Variants in LHCGR observed in about 807,000 individuals in gnomAD.
The protein encoded by LHCGR is luteinizing hormone/choriogonadotropin receptor.
Under a neutral mutation model 60.7 loss-of-function variants are expected in LHCGR, and 55 were observed. The observed-to-expected ratio is 0.91, with a 90% CI of 0.73 to 1.13. The LOEUF is 1.13. LHCGR is among the 50% of genes most tolerant of loss of function. The pLI is 0.00. For synonymous variants in LHCGR, 337 were observed against 316.5 expected (o/e 1.06, Z -0.69); for missense variants, 862 against 836.0 (o/e 1.03, Z -0.38).
intron 8 of LHCGR, among the ~76,000 whole-genome samples, chr2:48,708,013 TG>T (rs1667780807): frequency 6.6e-6 from 1 of 152,180 alleles, no homozygotes; most frequent in Non-Finnish European, 1.5e-5. Context: ...CTGCTTCAGC[TG>T]GCCCTCTGTG....
chr2:48,702,939 T>A (rs1667485879), intron 8 of LHCGR, among the ~76,000 whole-genome samples: 1 of 152,200 alleles, frequency 6.6e-6, no homozygotes, highest in Non-Finnish European at 1.5e-5. Context: ...ATCTGTTGTG[T>A]CCTGACTTTT....
chr2:48,739,722 T>G (rs1669351801), intron 1 of LHCGR, among the ~76,000 whole-genome samples: 2 of 151,516 alleles, frequency 1.3e-5, no homozygotes, highest in African/African-American at 4.9e-5. Context: ...AAATGACGAG[T>G]TAATGGGCAC....
rs1403901976 is a variant in LHCGR, at chr2:48,688,302, T to C, written c.1495A>G (p.Met499Val). The change falls in exon 11 of 11, where the codon ATG becomes GTG. Residue 499 changes from methionine to valine, a missense_variant. Coordinates refer to ENST00000294954, the MANE Select transcript of LHCGR (RefSeq NM_000233.4). This position sits in a 1 kb window ranked among gnomAD's most constrained non-coding sequence, Gnocchi z 5.2. ...GGWLFSSLIA[M>V]LPLVGVSNYM... ...TTGCTGACACCGACAAGGGGCAACA[T>C]AGCAATTAGAGAAGAAAAGAGCCAT... The C allele has an allele frequency of 1.2e-6, 2 of 1,614,092 alleles. No homozygotes were observed. The highest frequency in any genetic ancestry group is 1.1e-5 in the South Asian group (1 of 91,082).
Position 48,725,742 on chromosome 2 carries a change from T to C in LHCGR, c.317A>G (p.Gln106Arg). The C allele has an allele frequency of 6.2e-7, 1 of 1,610,776 alleles. No individual in the cohort carries two copies. Among genetic ancestry groups the C allele is most frequent in the Non-Finnish European group, 8.5e-7 (1 of 1,177,178 alleles). ...AATGTATCTCAGATTTTTGGTGTTC[T>C]GGATCAGTCTGTAAAGAGAGAGGGA... is the stretch of plus-strand genomic sequence containing the variant. ...NLLNLSEILI[Q>R]NTKNLRYIEP... The change falls in exon 4 of 11, where the codon CAG (glutamine) becomes CGG (arginine). Residue 106 changes from glutamine (Q) to arginine (R), a missense_variant. Coordinates refer to ENST00000294954, the MANE Select transcript of LHCGR (RefSeq NM_000233.4).
chr2:48,726,120 C>T (rs1158349858), intron 3 of LHCGR, among the ~76,000 whole-genome samples: 1 of 152,158 alleles, frequency 6.6e-6, no homozygotes, highest in African/African-American at 2.4e-5. Flanking sequence ...TGAGAGACTC[C>T]TCTCAGGAGA....
At chr2:48,710,685 G>A (rs1432685898) in intron 7 of LHCGR, among the ~76,000 whole-genome samples, 1 of 152,098 alleles carries the variant, frequency 6.6e-6, no homozygotes, top group Non-Finnish European at 1.5e-5. Context: ...GGAACAGTAT[G>A]GACTGACTCC....
At chr2:48,711,982 TG>T (rs942185241) in intron 7 of LHCGR, among the ~76,000 whole-genome samples, 6 of 152,250 alleles carry the variant, frequency 3.9e-5, no homozygotes, top group African/African-American at 1.4e-4. Context: ...CTTCCTGTTT[TG>T]TCCCTAACTC....
At chr2:48,704,940 T>C (rs956705778) in intron 8 of LHCGR, among the ~76,000 whole-genome samples, 2 of 152,212 alleles carry the variant, frequency 1.3e-5, no homozygotes, top group Non-Finnish European at 2.9e-5. Flanking sequence ...AGCTTTTGAA[T>C]GTGTTTGCTC....
At chr2:48,740,475 C>T (rs1373012750) in intron 1 of LHCGR, among the ~76,000 whole-genome samples, 2 of 152,204 alleles carry the variant, frequency 1.3e-5, no homozygotes, top group African/African-American at 4.8e-5. Flanking sequence ...GTGGTTCTCA[C>T]AGCACGCAGC....
At chr2:48,714,871 T>C (rs938904692) in intron 6 of LHCGR, among the ~76,000 whole-genome samples, 1 of 152,132 alleles carries the variant, frequency 6.6e-6, no homozygotes, top group East Asian at 1.9e-4. Context: ...AAGCAGCACA[T>C]TGTCATTTTG....
At chr2:48,737,783 A>G (rs778394744) in intron 1 of LHCGR, among the ~76,000 whole-genome samples, 1 of 152,188 alleles carries the variant, frequency 6.6e-6, no homozygotes, top group African/African-American at 2.4e-5. Flanking sequence ...GGTTTTGATT[A>G]TTGTTGATTG....
At chr2:48,741,192 G>T (rs1472679321) in intron 1 of LHCGR, among the ~76,000 whole-genome samples, 2 of 152,178 alleles carry the variant, frequency 1.3e-5, no homozygotes, top group Non-Finnish European at 2.9e-5. Context: ...GGGACTATGT[G>T]AAAAGACCAA....
intron 7 of LHCGR, among the ~76,000 whole-genome samples, chr2:48,713,597 G>GGTGGTGTTACC (rs1449087349): frequency 2.6e-5 from 4 of 152,200 alleles, no homozygotes. Flanking sequence ...TGGCTGACAA[G>GGTGGTGTTACC]ACTGGTAAAT....
At chr2:48,745,849 TAATA>T (rs1367859882) in intron 1 of LHCGR, among the ~76,000 whole-genome samples, 1 of 149,306 alleles carries the variant, frequency 6.7e-6, no homozygotes, top group East Asian at 2.0e-4. Flanking sequence ...AGTATAATAA[TAATA>T]AATAAATAAA....
chr2:48,746,033 C>T (rs900416855), intron 1 of LHCGR, among the ~76,000 whole-genome samples: 4 of 152,100 alleles, frequency 2.6e-5, no homozygotes, highest in African/African-American at 4.8e-5. Context: ...TTTCATTTCA[C>T]ATCTATAAAG....
intron 7 of LHCGR, among the ~76,000 whole-genome samples, chr2:48,710,876 A>T (rs149872885): frequency 2.3e-4 from 35 of 152,314 alleles, no homozygotes; most frequent in African/African-American, 7.9e-4. Context: ...TTTGCTTGAC[A>T]GTTTTGAAAA....
At chr2:48,702,053 C>T (rs529897256) in intron 8 of LHCGR, among the ~76,000 whole-genome samples, 1 of 151,560 alleles carries the variant, frequency 6.6e-6, no homozygotes, top group South Asian at 2.1e-4. Flanking sequence ...TAAATAACAT[C>T]TGCTAGAGTA....
chr2:48,722,970 T>C (rs886616062), intron 6 of LHCGR, among the ~76,000 whole-genome samples: 4 of 152,034 alleles, frequency 2.6e-5, no homozygotes, highest in African/African-American at 9.7e-5. Flanking sequence ...TGAGTATAGA[T>C]AGTGTTGCTT....
chr2:48,729,152 C>A lies in LHCGR; in HGVS notation c.308+1G>T. 6.2e-7 allele frequency: 1 copy of A among 1,606,846 alleles called. No individual in the cohort carries two copies. Among genetic ancestry groups the A allele is most frequent in the Admixed American group, 1.7e-5 (1 of 59,990 alleles). ...TAAACTGTCTGTTAGCTGATGCTTA[C>A]ATTTCAGACAAATTGAGGAGGTTGT... On this transcript the variant is annotated splice_donor_variant, in intron 3 of 10. Coordinates refer to ENST00000294954, the MANE Select transcript of LHCGR (RefSeq NM_000233.4). LOFTEE classifies it high-confidence loss of function.
Sources: gnomAD v4.1 joint callset for allele counts (sites outside exome capture counted in the v4.1 genomes callset) on GRCh38, gnomAD v4.1.1 for gene constraint, Gnocchi (gnomAD v3.1) non-coding constraint, MANE v1.5 for transcripts, NCBI Gene and HGNC (gene_info 2026-07-23, HGNC 2026-07-21) for gene names.